CDS1: variants seen among roughly 807,000 people sequenced by gnomAD.
CDS1 encodes the protein CDP-diacylglycerol synthase 1.
In CDS1, 41 loss-of-function variants were observed where a neutral mutation model predicts 62.1. That is an observed-to-expected ratio of 0.66 (90% CI 0.51 to 0.86). CDS1 has a LOEUF of 0.86. Among genes scored for constraint, CDS1 ranks in the 40% least tolerant of loss-of-function variants. The probability of loss-of-function intolerance (pLI) is 0.00; values close to 1 mark genes in which losing one functional copy is unlikely to be tolerated. For missense variants in CDS1, 470 were observed against 550.1 expected (o/e 0.85, Z 1.46); for synonymous variants, 185 against 192.6 (o/e 0.96, Z 0.32).
intron 7 of CDS1, 75 bp downstream of exon 7, chr4:84,634,014 T>C: frequency 7.7e-6 from 6 of 776,896 alleles, no homozygotes; most frequent in Non-Finnish European, 1.2e-5. Flanking sequence ...GGATAGTGTC[T>C]TACAGATTTC....
At chr4:84,643,202 G>A (rs1451623085) in intron 11 of CDS1, 59 bp downstream of exon 11, 4 of 1,559,720 alleles carry the variant, frequency 2.6e-6, no homozygotes, top group Non-Finnish European at 3.5e-6. Context: ...ATGTAACCTA[G>A]TTGGAATTTG....
rs145937836 is a variant in CDS1 at position 84,637,469 on chromosome 4, G to A, written c.811-1455G>A. On this transcript the variant is annotated intron_variant, in intron 8 of 12. Transcript: ENST00000295887. ...GGAGGAAGAGGGAGAGTGAGGAGGT[G>A]CCACAGACTTTTCAACAACCAGATA... 2.1e-3 allele frequency among the ~76,000 whole-genome samples: 327 copies of A among 152,218 alleles called. 1 individual carries two copies. The highest frequency in any genetic ancestry group is 7.3e-3 in the African/African-American group (302 of 41,530).
chr4:84,599,614 TATA>T (rs1370302771), intron 1 of CDS1, among the ~76,000 whole-genome samples: 21 of 151,608 alleles, frequency 1.4e-4, no homozygotes, highest in Non-Finnish European at 2.2e-4. Flanking sequence ...AATGGAATAA[TATA>T]ATACGTGTGT....
At position 84,604,353 on chromosome 4, in the gene CDS1, A is replaced by G; in HGVS notation, c.228A>G (p.Leu76=). 4 of 1,613,236 alleles carry G rather than the reference A, an allele frequency of 2.5e-6. No homozygotes were observed. The highest frequency in any genetic ancestry group is 3.4e-6 in the Non-Finnish European group (4 of 1,179,458). ...DRTPEILKKA[L]SGLSSRWKNW... is the part of the protein sequence containing the mutation. ...CCCCTGAGATTCTCAAAAAAGCTCTATCTGGTTTATCTTCAAGGTATGATT... is the reference window on the plus strand; with the variant it reads ...CCCCTGAGATTCTCAAAAAAGCTCTGTCTGGTTTATCTTCAAGGTATGATT... Residue 76 remains leucine, a synonymous_variant, in exon 2 of 13, where the codon CTA becomes CTG. Transcript: ENST00000295887.
At chr4:84,631,954 T>G (rs771807176) in intron 6 of CDS1, 77 bp downstream of exon 6, 3 of 927,258 alleles carry the variant, frequency 3.2e-6, no homozygotes, top group Non-Finnish European at 5.2e-6. Flanking sequence ...AGTGAGAAGA[T>G]ACAGTCGAAT....
chr4:84,608,026 A>T (rs928570407), intron 2 of CDS1, among the ~76,000 whole-genome samples: 2 of 152,114 alleles, frequency 1.3e-5, no homozygotes, highest in African/African-American at 4.8e-5. Context: ...ATGAAGTGTG[A>T]GGCTTGTGGC....
intron 12 of CDS1, among the ~76,000 whole-genome samples, chr4:84,646,533 A>G (rs978799031): frequency 6.6e-6 from 1 of 152,152 alleles, no homozygotes; most frequent in Non-Finnish European, 1.5e-5. Flanking sequence ...GATTTCCAGT[A>G]TTATATCTTC....
At chr4:84,621,008 C>T (rs1723671147) in intron 5 of CDS1, among the ~76,000 whole-genome samples, 1 of 151,844 alleles carries the variant, frequency 6.6e-6, no homozygotes, top group Non-Finnish European at 1.5e-5. Context: ...TGCGGTGAGC[C>T]GAGATCACAC....
intron 1 of CDS1, among the ~76,000 whole-genome samples, chr4:84,588,416 T>C (rs1460002739): frequency 6.6e-6 from 1 of 152,244 alleles, no homozygotes; most frequent in East Asian, 1.9e-4. Context: ...TCTTTCTTGC[T>C]GCCCAGATAG....
chr4:84,635,170 G>C (rs1486766048), intron 7 of CDS1, 94 bp from the exon 8 acceptor site: 4 of 658,538 alleles, frequency 6.1e-6, no homozygotes, highest in East Asian at 2.6e-5. Flanking sequence ...GGGTTATTCT[G>C]ATGGTTCATT....
At chr4:84,647,120 CTTTTAT>C (rs752732777) in intron 12 of CDS1, among the ~76,000 whole-genome samples, 1 of 152,016 alleles carries the variant, frequency 6.6e-6, no homozygotes, top group Non-Finnish European at 1.5e-5. Flanking sequence ...TTTGTCTCTC[CTTTTAT>C]TTTTAACATT....
chr4:84,638,014 G>A (rs940308749), intron 8 of CDS1, among the ~76,000 whole-genome samples: 1 of 152,142 alleles, frequency 6.6e-6, no homozygotes, highest in African/African-American at 2.4e-5. Flanking sequence ...TCTATGAAGA[G>A]CTCCTATAGG....
rs181662009 is a variant in CDS1, at chr4:84,625,505, G to A, written c.580+5972G>A. 1.9e-3 allele frequency among the ~76,000 whole-genome samples: 294 copies of A among 152,224 alleles called. 2 individuals are homozygous for A. Among genetic ancestry groups the A allele is most frequent in the Admixed American group, 3.0e-3 (46 of 15,282 alleles). ...GATGACAGGTTTCATGAAAAGGAAA[G>A]AGCAAGCAGGCAGTTGCCAGGTATC... is the stretch of plus-strand genomic sequence containing the variant. On this transcript the variant is annotated intron_variant, in intron 5 of 12. Coordinates refer to ENST00000295887, the MANE Select transcript of CDS1 (RefSeq NM_001263.4).
At position 84,648,558 on chromosome 4, in the gene CDS1, G is replaced by A. The variant is rs746035576; in HGVS notation, c.1258G>A (p.Gly420Ser). The A allele has an allele frequency of 5.6e-6, 9 of 1,611,232 alleles. No individual in the cohort carries two copies. In the South Asian group the frequency reaches 8.9e-5, roughly 16 times the overall value. The change falls in exon 13 of 13, where the codon GGC (glycine) becomes AGC (serine). Residue 420 changes from glycine to serine, a missense_variant and splice_region_variant. This residue lies in a region of CDS1 where 68 missense variants were observed against 81.5 expected (regional missense o/e 0.83). Transcript: ENST00000295887. Reference protein sequence around the residue: ...VHVYITSFIRGPNPSKVLQQL... With the variant: ...VHVYITSFIRSPNPSKVLQQL... Reference sequence around the variant, plus strand: ...GTCTTCTTTGCCTTTTATCATTAGGGGCCCAAATCCCAGCAAAGTGCTACA... The same window carrying A: ...GTCTTCTTTGCCTTTTATCATTAGGAGCCCAAATCCCAGCAAAGTGCTACA...
intron 5 of CDS1, among the ~76,000 whole-genome samples, chr4:84,622,620 C>A: frequency 6.6e-6 from 1 of 151,994 alleles, no homozygotes; most frequent in East Asian, 1.9e-4. Context: ...AATAAAAGAA[C>A]AATTGTGGTT....
intron 1 of CDS1, among the ~76,000 whole-genome samples, chr4:84,584,183 C>CTAT (rs1353191104): frequency 6.6e-6 from 1 of 152,142 alleles, no homozygotes; most frequent in Non-Finnish European, 1.5e-5. Context: ...ACTTCCTTTT[C>CTAT]TATAGATTAC....
Position 84,648,628 on chromosome 4 carries a change from A to T in CDS1, c.1328A>T (p.Lys443Ile), listed in dbSNP as rs760437708. 2 of 1,613,914 alleles carry T rather than the reference A, an allele frequency of 1.2e-6. No individual in the cohort carries two copies. Among genetic ancestry groups the T allele is most frequent in the South Asian group, 2.2e-5 (2 of 91,050 alleles). Residue 443 changes from lysine to isoleucine, a missense_variant, in exon 13 of 13, where the codon AAA becomes ATA. By Grantham distance (102) the Lys-to-Ile change is moderately radical. Coordinates refer to ENST00000295887, the MANE Select transcript of CDS1 (RefSeq NM_001263.4). ...LQPEQQLNIY[K>I]TLKTHLIEKG... ...CCTGAACAGCAGTTAAATATATATA[A>T]AACCCTGAAGACTCATCTCATTGAG...
chr4:84,595,126 G>C (rs1357625386), intron 1 of CDS1, among the ~76,000 whole-genome samples: 1 of 152,172 alleles, frequency 6.6e-6, no homozygotes, highest in Non-Finnish European at 1.5e-5. Flanking sequence ...GCTGCAAAGA[G>C]GGAGAGTCCA....
At chr4:84,622,595 A>T (rs1336063653) in intron 5 of CDS1, among the ~76,000 whole-genome samples, 1 of 151,854 alleles carries the variant, frequency 6.6e-6, no homozygotes, top group Non-Finnish European at 1.5e-5. Context: ...TCCATCTCAA[A>T]ATAATAATAA....
Sources: gnomAD v4.1 joint callset for allele counts (sites outside exome capture counted in the v4.1 genomes callset) on GRCh38, gnomAD v4.1.1 for gene constraint, gnomAD v4.1.1 regional missense constraint, MANE v1.5 for transcripts, NCBI Gene and HGNC (gene_info 2026-07-23, HGNC 2026-07-21) for gene names.